PCDHA8: variants seen among roughly 807,000 people sequenced by gnomAD.
PCDHA8 encodes the protein protocadherin alpha 8, also known as protocadherin alpha-8.
PCDHA8 carries 53 observed loss-of-function variants against 61.8 expected under a neutral mutation model. The ratio of observed to expected loss-of-function variants is 0.86; its 90% CI spans 0.69 to 1.08. The LOEUF is 1.08. Ranked by LOEUF, PCDHA8 falls within the 50% of genes least tolerant of loss-of-function variation. The pLI is 0.00. For missense variants in PCDHA8, 1,293 were observed against 1,245.0 expected, an observed-to-expected ratio of 1.04 and a Z score of -0.58; for synonymous variants, 618 against 556.6, an observed-to-expected ratio of 1.11 and a Z score of -1.55.
chr5:140,873,031 G>A (rs782124612), intron 1 of PCDHA8, among the ~76,000 whole-genome samples: 3 of 152,110 alleles, frequency 2.0e-5, no homozygotes, highest in East Asian at 1.9e-4. Context: ...CTTACTACAC[G>A]TAGAGTGGTG....
chr5:140,986,073 G>A (rs1428668406), intron 3 of PCDHA8, among the ~76,000 whole-genome samples: 1 of 152,176 alleles, frequency 6.6e-6, no homozygotes, highest in East Asian at 1.9e-4. Context: ...TAAAGAAACT[G>A]TTCATTTATT....
rs1305533270 is a variant in PCDHA8, at chr5:141,000,401, A to C, written c.2543-9226A>C. Among the ~76,000 whole-genome samples the C allele has an allele frequency of 8.1e-3, 613 of 75,996 alleles. 4 individuals are homozygous for C. The highest frequency in any genetic ancestry group is 0.017 in the East Asian group (44 of 2,548). The allele number at this position is 75,996 out of a possible 152,430, so 49.9% of individuals were successfully genotyped here. A position where few individuals can be genotyped will look rare whatever the true frequency, so the allele number is the denominator to read the frequency against. On this transcript the variant is annotated intron_variant, in intron 3 of 3. Transcript: ENST00000531613. Reference sequence around the variant, plus strand: ...TCTCTCTCTCTCTCTCTCTCTATATATATATATATATATATATATATTTTT... The same window carrying C: ...TCTCTCTCTCTCTCTCTCTCTATATCTATATATATATATATATATATTTTT...
intron 1 of PCDHA8, chr5:140,871,426 C>T (rs1554165586): frequency 1.2e-6 from 2 of 1,613,320 alleles, no homozygotes; most frequent in Non-Finnish European, 8.5e-7. Context: ...CAGCCCCAGT[C>T]TTCCTCTAGG....
At chr5:140,876,928 A>C in intron 1 of PCDHA8, 1 of 1,613,812 alleles carries the variant, frequency 6.2e-7, no homozygotes, top group Non-Finnish European at 8.5e-7. Flanking sequence ...GGACGCGCAG[A>C]AGAACGCGCT....
chr5:141,006,992 A>C (rs1187318452), intron 3 of PCDHA8, among the ~76,000 whole-genome samples: 3 of 152,196 alleles, frequency 2.0e-5, no homozygotes, highest in Non-Finnish European at 2.9e-5. Flanking sequence ...GGCTTAAAAT[A>C]TAAGTCTGCA....
At chr5:140,877,443 C>A (rs376417721) in intron 1 of PCDHA8, 2 of 1,613,726 alleles carry the variant, frequency 1.2e-6, no homozygotes, top group African/African-American at 2.7e-5. Flanking sequence ...ACGGTGAGCC[C>A]GCGCTGACGT....
rs147351924 is a variant in PCDHA8, at chr5:141,009,782, C to T, written c.2698C>T (p.Arg900Trp). 27 of 1,613,956 alleles carry T rather than the reference C, an allele frequency of 1.7e-5. No homozygotes were observed. The highest frequency in any genetic ancestry group is 9.9e-5 in the South Asian group (9 of 91,070). ...AGGATCTCCTGCAATCATCTCCATCCGGCAGGAGCCTACTAACAGCCAAAT... is the reference window on the plus strand; with the variant it reads ...AGGATCTCCTGCAATCATCTCCATCTGGCAGGAGCCTACTAACAGCCAAAT... ...IPGSPAIISI[R>W]QEPTNSQIDK... is the part of the protein sequence containing the mutation. The change falls in exon 4 of 4, where the codon CGG becomes TGG. Residue 900 changes from arginine (R) to tryptophan (W), a missense_variant. Coordinates refer to ENST00000531613, the MANE Select transcript of PCDHA8 (RefSeq NM_018911.3).
chr5:140,929,082 G>A, intron 1 of PCDHA8: 2 of 1,614,216 alleles, frequency 1.2e-6, no homozygotes, highest in South Asian at 1.1e-5. Flanking sequence ...ATGGAAGTAA[G>A]ATGGTTTCAA....
In PCDHA8 at chr5:140,941,202, C is replaced by CCCTTCTTTCTTTCTTTCTTT; in HGVS notation, c.2395-37746_2395-37745insCTTCTTTCTTTCTTTCTTTC. Among the ~76,000 whole-genome samples, 3 of 122,832 alleles carry CCCTTCTTTCTTTCTTTCTTT rather than the reference C, an allele frequency of 2.4e-5. No homozygotes were observed. The East Asian group carries it at 6.6e-4, about 27-fold the overall frequency. The allele number at this position is 122,832 out of a possible 152,430, so 80.6% of individuals were successfully genotyped here. A position where few individuals can be genotyped will look rare whatever the true frequency, so the allele number is the denominator to read the frequency against. On this transcript the variant is annotated intron_variant, in intron 1 of 3. Transcript: ENST00000531613. ...TCCTGCTTCTTTTTTTTTCTTTCTT[C>CCCTTCTTTCTTTCTTTCTTT]CTTTCTTTCTTCCTTTCTTTCTTTC...
chr5:140,856,825 A>C lies in PCDHA8; in HGVS notation c.2394+13110A>C, dbSNP rs782049467. On this transcript the variant is annotated intron_variant, in intron 1 of 3. Coordinates refer to ENST00000531613, the MANE Select transcript of PCDHA8 (RefSeq NM_018911.3). Reference sequence around the variant, plus strand: ...ATGAAAATCAAGTGAACCAAACATTAGTAATACGGCTCAACGCTTCTGATT... The same window carrying C: ...ATGAAAATCAAGTGAACCAAACATTCGTAATACGGCTCAACGCTTCTGATT... 1 of 1,592,052 alleles carries C rather than the reference A, an allele frequency of 6.3e-7. No individual in the cohort carries two copies. The highest frequency in any genetic ancestry group is 1.7e-5 in the Admixed American group (1 of 59,160).
chr5:140,854,265 A>C lies in PCDHA8; in HGVS notation c.2394+10550A>C, dbSNP rs2043061448. The C allele has an allele frequency of 6.7e-6, 4 of 593,530 alleles. 1 individual carries two copies. The highest frequency in any genetic ancestry group is 4.0e-5 in the African/African-American group (2 of 49,606). The allele number at this position is 593,530 out of a possible 1,614,324, so 36.8% of individuals were successfully genotyped here. A position where few individuals can be genotyped will look rare whatever the true frequency, so the allele number is the denominator to read the frequency against. ...TATCACTTGGTATAAAATGTACATT[A>C]GTAGAAATTGAGTTTAGTTTTTATT... On this transcript the variant is annotated intron_variant, in intron 1 of 3. Transcript: ENST00000531613.
intron 1 of PCDHA8, among the ~76,000 whole-genome samples, chr5:140,922,137 T>A (rs1235551628): frequency 2.0e-5 from 3 of 151,994 alleles, no homozygotes; most frequent in African/African-American, 7.3e-5. Context: ...TCTCTTATCC[T>A]CCATGAAACT....
At chr5:140,967,909 C>A in intron 1 of PCDHA8, 1 of 1,614,206 alleles carries the variant, frequency 6.2e-7, no homozygotes, top group Non-Finnish European at 8.5e-7. Flanking sequence ...CTACACCCAA[C>A]ACCATTGTGG....
chr5:140,865,381 G>A (rs1260895548), intron 1 of PCDHA8: 3 of 152,122 alleles, frequency 2.0e-5, no homozygotes, highest in African/African-American at 7.2e-5. Context: ...TATAGGTAGG[G>A]TAAAGTTAAT....
chr5:140,966,240 G>A (rs1372436745), intron 1 of PCDHA8: 3 of 306,008 alleles, frequency 9.8e-6, no homozygotes, highest in Non-Finnish European at 1.8e-5. Flanking sequence ...GACCCGTTAA[G>A]CAGGGGAGAG....
rs572273107 is a variant in PCDHA8, at chr5:140,941,410, G to A, written c.2395-37539G>A. 1.3e-4 allele frequency among the ~76,000 whole-genome samples: 19 copies of A among 147,656 alleles called. 1 individual carries two copies. In the South Asian group the frequency reaches 3.3e-3, roughly 26 times the overall value. ...TGGCTCACTGCAACCTCCGCCTCCC[G>A]GGTTCAAGCAATTCTCTGCCTCAGC... On this transcript the variant is annotated intron_variant, in intron 1 of 3. Transcript: ENST00000531613.
chr5:140,865,511 T>C (rs868994454), intron 1 of PCDHA8: 1 of 152,226 alleles, frequency 6.6e-6, no homozygotes, highest in African/African-American at 2.4e-5. Flanking sequence ...TCCTACTTTA[T>C]GGTGCTGGAA....
chr5:140,843,672 A>G lies in PCDHA8; in HGVS notation c.2351A>G (p.Asp784Gly). ...PCLPPDLGSVDVGEEQDLNVD... is the reference protein window; with the variant it reads ...PCLPPDLGSVGVGEEQDLNVD... ...CTTCCTCCTGATCTGGGATCAGTTG[A>G]TGTAGGCGAAGAGCAAGATTTAAAT... Residue 784 changes from aspartate (D) to glycine (G), a missense_variant, in exon 1 of 4, where the codon GAT becomes GGT. Transcript: ENST00000531613. 6.3e-7 allele frequency: 1 copy of G among 1,592,800 alleles called. No homozygotes were observed. The highest frequency in any genetic ancestry group is 8.6e-7 in the Non-Finnish European group (1 of 1,162,526).
intron 1 of PCDHA8, among the ~76,000 whole-genome samples, chr5:140,932,481 C>T (rs945796094): frequency 6.6e-6 from 1 of 151,842 alleles, no homozygotes; most frequent in African/African-American, 2.4e-5. Flanking sequence ...AGGATATCTC[C>T]TCTTTGCAAT....
Sources: allele counts gnomAD v4.1 joint callset (sites outside exome capture counted in the v4.1 genomes callset), GRCh38; gene constraint gnomAD v4.1.1; transcripts MANE v1.5; gene names NCBI Gene and HGNC (gene_info 2026-07-23, HGNC 2026-07-21).